Variants in HHIPL2 observed in about 807,000 individuals in gnomAD.
HHIPL2 encodes the protein HHIP-like protein 2.
HHIPL2 carries 61 observed loss-of-function variants against 61.0 expected under a neutral mutation model. That is an observed-to-expected ratio of 1.00 (90% CI 0.81 to 1.24). HHIPL2 has a LOEUF of 1.24. Ranked by LOEUF, HHIPL2 falls within the 50% of genes most tolerant of loss-of-function variation. The pLI, the probability that HHIPL2 is intolerant of heterozygous loss-of-function variation, is 0.00. For missense variants in HHIPL2, 885 were observed against 910.2 expected, an observed-to-expected ratio of 0.97 and a Z score of 0.36; for synonymous variants, 343 against 357.4, an observed-to-expected ratio of 0.96 and a Z score of 0.45.
chr1:222,543,395 G>C, intron 2 of HHIPL2, 142 bp downstream of exon 2: 1 of 832,606 alleles, frequency 1.2e-6, no homozygotes, highest in South Asian at 1.7e-5. Context: ...AACTTGGGCC[G>C]TTCTCAATCC....
chr1:222,544,953 CTA>C (rs1485850657), intron 1 of HHIPL2, among the ~76,000 whole-genome samples: 1 of 152,132 alleles, frequency 6.6e-6, no homozygotes, highest in Non-Finnish European at 1.5e-5. Context: ...ATGCTGGAAC[CTA>C]TACACATTTG....
chr1:222,540,178 G>A lies in HHIPL2; in HGVS notation c.1282C>T (p.Arg428Ter), dbSNP rs369027052. The A allele has an allele frequency of 4.0e-5, 65 of 1,614,106 alleles. No homozygotes were observed. Among genetic ancestry groups the A allele is most frequent in the African/African-American group, 9.3e-5 (7 of 74,938 alleles). Residue 428 changes from arginine to a stop codon, truncating the protein, a stop_gained, in exon 4 of 9, where the codon CGA (arginine) becomes TGA (stop). Coordinates refer to ENST00000343410, the MANE Select transcript of HHIPL2 (RefSeq NM_024746.4). LOFTEE classifies it high-confidence loss of function. ...IRNMWRCAVD[R>*]GDPITRQGRG... ...CCCTGGCGCGTGATGGGGTCCCCTC[G>A]GTCCACAGCACAACGCCACATGTTC...
At chr1:222,543,382 G>A (rs1659476485) in intron 2 of HHIPL2, among the ~76,000 whole-genome samples, 155 bp downstream of exon 2, 1 of 152,166 alleles carries the variant, frequency 6.6e-6, no homozygotes, top group Non-Finnish European at 1.5e-5. Context: ...AACTCAAGAG[G>A]CTAACTTGGG....
intron 2 of HHIPL2, among the ~76,000 whole-genome samples, chr1:222,542,515 C>A (rs1442986534): frequency 6.7e-6 from 1 of 149,078 alleles, no homozygotes. Context: ...GATTACCACC[C>A]CACCACATCT....
chr1:222,531,973 A>T lies in HHIPL2; in HGVS notation c.1716T>A (p.Asp572Glu). The change falls in exon 6 of 9, where the codon GAT (aspartate) becomes GAA (glutamate). Residue 572 changes from aspartate to glutamate, a missense_variant. Transcript: ENST00000343410. ...HSKFIISFAE[D>E]EAGELYFLAT... ...ACTCTGTACATTTGTTACCTGCTTC[A>T]TCTTCAGCAAAGGAGATGATGAACT... The T allele has an allele frequency of 6.2e-7, 1 of 1,604,266 alleles. No homozygotes were observed. Among genetic ancestry groups the T allele is most frequent in the Non-Finnish European group, 8.5e-7 (1 of 1,172,658 alleles).
intron 5 of HHIPL2, among the ~76,000 whole-genome samples, chr1:222,534,577 TAAA>T (rs67437927): frequency 1.4e-5 from 1 of 72,670 alleles, no homozygotes; most frequent in Non-Finnish European, 2.6e-5. Context: ...ACTCCATCTC[TAAA>T]AAAAAAAAAA....
chr1:222,540,494 T>C (rs1445142697), intron 3 of HHIPL2, among the ~76,000 whole-genome samples, 153 bp from the exon 4 acceptor site: 2 of 152,230 alleles, frequency 1.3e-5, no homozygotes, highest in African/African-American at 4.8e-5. Flanking sequence ...CTTCTTTTTT[T>C]GTACCCGCAA....
chr1:222,533,389 A>C (rs752842979), intron 5 of HHIPL2, among the ~76,000 whole-genome samples: 2 of 151,896 alleles, frequency 1.3e-5, no homozygotes, highest in Non-Finnish European at 2.9e-5. Context: ...AAAAAAGAAA[A>C]GAAAAGGAAA....
At chr1:222,539,465 G>T (rs745326425) in intron 4 of HHIPL2, among the ~76,000 whole-genome samples, 97 of 147,618 alleles carry the variant, frequency 6.6e-4, no homozygotes, top group Non-Finnish European at 1.2e-3. Context: ...GGGAGTCGGA[G>T]GTTGCAGTGA....
Position 222,526,989 on chromosome 1 carries a change from G to A in HHIPL2, c.1785C>T (p.Tyr595=), listed in dbSNP as rs1475438854. Residue 595 remains tyrosine (Y), a synonymous_variant, in exon 7 of 9, where the codon TAC becomes TAT. Coordinates refer to ENST00000343410, the MANE Select transcript of HHIPL2 (RefSeq NM_024746.4). ...PSAYAPRGSI[Y]KFVDPSRRAP... ...CTCACCTTGAGGGGTCAACAAACTTGTAAATAGATCCACGTGGTGCATAGG... is the reference window on the plus strand; with the variant it reads ...CTCACCTTGAGGGGTCAACAAACTTATAAATAGATCCACGTGGTGCATAGG... The A allele has an allele frequency of 6.2e-7, 1 of 1,613,334 alleles. No individual in the cohort carries two copies. Among genetic ancestry groups the A allele is most frequent in the Non-Finnish European group, 8.5e-7 (1 of 1,179,696 alleles).
chr1:222,538,616 A>G, intron 5 of HHIPL2, 32 bp downstream of exon 5: 2 of 1,586,828 alleles, frequency 1.3e-6, no homozygotes, highest in Non-Finnish European at 1.7e-6. Context: ...TTAAAATAAA[A>G]AGAGGGAGAA....
At chr1:222,538,059 T>C (rs1659339069) in intron 5 of HHIPL2, among the ~76,000 whole-genome samples, 1 of 152,122 alleles carries the variant, frequency 6.6e-6, no homozygotes, top group Non-Finnish European at 1.5e-5. Flanking sequence ...TGGAACAACA[T>C]TGATGAATCC....
At chr1:222,525,828 G>A (rs185708532) in intron 7 of HHIPL2, among the ~76,000 whole-genome samples, 2 of 151,872 alleles carry the variant, frequency 1.3e-5, no homozygotes, top group African/African-American at 2.4e-5. Flanking sequence ...GCAAAACCCC[G>A]TCTCTACTGA....
chr1:222,525,110 G>A (rs1659032035), intron 7 of HHIPL2: 1 of 152,134 alleles, frequency 6.6e-6, no homozygotes, highest in South Asian at 2.1e-4. Flanking sequence ...AGGTGAATAA[G>A]TAAGGATGTC....
At chr1:222,525,868 G>A (rs972421157) in intron 7 of HHIPL2, among the ~76,000 whole-genome samples, 23 of 151,992 alleles carry the variant, frequency 1.5e-4, no homozygotes, top group Non-Finnish European at 3.1e-4. Flanking sequence ...GTGTGGTGGT[G>A]CATGCCTGTA....
chr1:222,542,196 A>G (rs1274546168), intron 2 of HHIPL2, 41 bp from the exon 3 acceptor site: 31 of 1,600,618 alleles, frequency 1.9e-5, no homozygotes, highest in Non-Finnish European at 2.5e-5. Flanking sequence ...GATTTGACAC[A>G]AGCTGAAGCT....
intron 2 of HHIPL2, 133 bp downstream of exon 2, chr1:222,543,404 C>A (rs1435518876): frequency 2.2e-6 from 2 of 912,426 alleles, no homozygotes; most frequent in South Asian, 3.3e-5. Flanking sequence ...CGTTCTCAAT[C>A]CACAGTGACT....
chr1:222,523,646 G>A lies in HHIPL2; in HGVS notation c.1854C>T (p.Thr618=). 9 of 1,614,140 alleles carry A rather than the reference G, an allele frequency of 5.6e-6. No individual in the cohort carries two copies. Among genetic ancestry groups the A allele is most frequent in the Non-Finnish European group, 7.6e-6 (9 of 1,180,026 alleles). The change falls in exon 8 of 9, where the codon ACC becomes ACT. Residue 618 remains threonine, a synonymous_variant. Coordinates refer to ENST00000343410, the MANE Select transcript of HHIPL2 (RefSeq NM_024746.4). The stretch of plus-strand genomic sequence containing the variant: ...GTCTGAACGGGATCCGCTTACTCTT[G>A]GTTCTCACGGGCACTGGCTTGTATT... ...KCKYKPVPVR[T]KSKRIPFRPL... is the part of the protein sequence containing the mutation.
intron 6 of HHIPL2, among the ~76,000 whole-genome samples, chr1:222,530,973 ATAACT>A (rs1353288813): frequency 2.0e-5 from 3 of 152,190 alleles, no homozygotes; most frequent in African/African-American, 7.2e-5. Context: ...AGAGTGAAAC[ATAACT>A]TATGTAAAGC....
Sources: gnomAD v4.1 joint callset for allele counts (sites outside exome capture counted in the v4.1 genomes callset) on GRCh38, gnomAD v4.1.1 for gene constraint, MANE v1.5 for transcripts, NCBI Gene and HGNC (gene_info 2026-07-23, HGNC 2026-07-21) for gene names.